The following HADHA variants were observed in gnomAD, a reference collection of about 807,000 sequenced individuals.
The protein encoded by HADHA is hydroxyacyl-CoA dehydrogenase trifunctional multienzyme complex subunit alpha.
A neutral mutation model predicts 91.3 loss-of-function variants in HADHA; 59 were observed. The observed-to-expected ratio is 0.65, with a 90% CI of 0.52 to 0.80. The LOEUF (loss-of-function observed/expected upper bound fraction) is 0.80, where lower values mean the gene tolerates loss of function less well. Ranked by LOEUF, HADHA falls within the 30% of genes least tolerant of loss-of-function variation. The probability of loss-of-function intolerance (pLI) is 0.00; values close to 1 mark genes in which losing one functional copy is unlikely to be tolerated. For missense variants in HADHA, 800 were observed against 927.6 expected, an observed-to-expected ratio of 0.86 and a Z score of 1.79; for synonymous variants, 320 against 338.9, an observed-to-expected ratio of 0.94 and a Z score of 0.61.
intron 7 of HADHA, among the ~76,000 whole-genome samples, chr2:26,225,798 C>T (rs1341101813): frequency 6.6e-6 from 1 of 152,138 alleles, no homozygotes; most frequent in Non-Finnish European, 1.5e-5. Flanking sequence ...GTTGACAATA[C>T]TTGTTCTCAT....
At chr2:26,242,877 G>A (rs1236433197) in intron 1 of HADHA, among the ~76,000 whole-genome samples, 1 of 152,092 alleles carries the variant, frequency 6.6e-6, no homozygotes, top group African/African-American at 2.4e-5. Context: ...TCAGCCTCCC[G>A]AGTAGCTGGG....
At chr2:26,193,490 C>T (rs537946034) in intron 17 of HADHA, 87 bp downstream of exon 17, 89 of 1,125,958 alleles carry the variant, frequency 7.9e-5, no homozygotes, top group Admixed American at 2.9e-4. Flanking sequence ...CTTTCTTCCA[C>T]GAGGGCTTCT....
At chr2:26,226,685 G>A (rs1670492380) in intron 7 of HADHA, among the ~76,000 whole-genome samples, 1 of 152,116 alleles carries the variant, frequency 6.6e-6, no homozygotes, top group African/African-American at 2.4e-5. Flanking sequence ...ATGAATCACA[G>A]ACCAAAATGT....
At chr2:26,200,042 G>A (rs1292449811) in intron 13 of HADHA, among the ~76,000 whole-genome samples, 2 of 152,220 alleles carry the variant, frequency 1.3e-5, no homozygotes, top group Non-Finnish European at 2.9e-5. Context: ...ATACTAGAGA[G>A]GACAACCGAA....
chr2:26,190,840 A>T lies in HADHA; in HGVS notation c.*410T>A. 3.5e-6 allele frequency: 1 copy of T among 284,880 alleles called. No homozygotes were observed. The allele number at this position is 284,880 out of a possible 1,614,324, so 17.6% of individuals were successfully genotyped here. A position where few individuals can be genotyped will look rare whatever the true frequency, so the allele number is the denominator to read the frequency against. On this transcript the variant is annotated 3_prime_UTR_variant, in exon 20 of 20. Coordinates refer to ENST00000380649, the MANE Select transcript of HADHA (RefSeq NM_000182.5). ...GGCTTTCTTCCAGATTGCTTTTTGA[A>T]GGAGGCGTTTAAACCAGAAGGGCAA...
chr2:26,214,627 C>G lies in HADHA; in HGVS notation c.800-66G>C. 2.3e-6 allele frequency: 2 copies of G among 854,762 alleles called. No homozygotes were observed. The highest frequency in any genetic ancestry group is 4.1e-6 in the Non-Finnish European group (2 of 493,464). The allele number at this position is 854,762 out of a possible 1,614,324, so 52.9% of individuals were successfully genotyped here. The stretch of plus-strand genomic sequence containing the variant: ...CTAGATTCCCTTGTTAGTTTATGCT[C>G]TAAACTCTATAAAAATGAAGTAATT... On this transcript the variant is annotated intron_variant, in intron 8 of 19. Transcript: ENST00000380649. The surrounding 1 kb of genome is among the most constrained non-coding windows in gnomAD (Gnocchi z 4.1).
chr2:26,218,062 T>G (rs1262511583), intron 7 of HADHA, among the ~76,000 whole-genome samples: 2 of 152,088 alleles, frequency 1.3e-5, no homozygotes, highest in Non-Finnish European at 2.9e-5. Flanking sequence ...TCCCAGCACT[T>G]TGGGAGTCCG....
intron 12 of HADHA, among the ~76,000 whole-genome samples, chr2:26,203,857 G>A (rs1311607978): frequency 2.0e-5 from 3 of 152,208 alleles, no homozygotes; most frequent in Non-Finnish European, 2.9e-5. Flanking sequence ...ATAACAAAAC[G>A]AAGTCAAAGA....
rs1019275873 is a variant in HADHA at position 26,212,768 on chromosome 2, A to T, written c.919-142T>A. The T allele has an allele frequency of 6.9e-6, 5 of 728,274 alleles. No individual in the cohort carries two copies. In the African/African-American group the frequency reaches 8.8e-5, roughly 13 times the overall value. 45.1% of individuals were successfully genotyped at this position (728,274 alleles called of 1,614,324 possible). Reference sequence around the variant, plus strand: ...TGGAATGAGAAAGAGAAGAGGACTGAGGATCTGGCTGCTCTCGACTGACTT... The same window carrying T: ...TGGAATGAGAAAGAGAAGAGGACTGTGGATCTGGCTGCTCTCGACTGACTT... On this transcript the variant is annotated intron_variant, in intron 9 of 19. Transcript: ENST00000380649.
At chr2:26,244,263 C>T (rs1671014202) in intron 1 of HADHA, among the ~76,000 whole-genome samples, 1 of 152,230 alleles carries the variant, frequency 6.6e-6, no homozygotes, top group Non-Finnish European at 1.5e-5. Context: ...ACGCAAGAGA[C>T]CCGCGGAAAG....
chr2:26,239,959 G>A (rs887734010), intron 1 of HADHA, among the ~76,000 whole-genome samples: 2 of 152,176 alleles, frequency 1.3e-5, no homozygotes, highest in Non-Finnish European at 2.9e-5. Flanking sequence ...TCAATCCCCA[G>A]TGCCTCTACT....
At position 26,244,516 on chromosome 2, in the gene HADHA, C is replaced by G; in HGVS notation, c.67+14G>C. The G allele has an allele frequency of 3.8e-6, 6 of 1,568,426 alleles. No individual in the cohort carries two copies. Among genetic ancestry groups the G allele is most frequent in the Non-Finnish European group, 5.2e-6 (6 of 1,156,032 alleles). ...TCTGCCCGGAGGTCTGGGATGCCCTCGGCCAGGCCTCACCTCGGGAGCGGA... is the reference window on the plus strand; with the variant it reads ...TCTGCCCGGAGGTCTGGGATGCCCTGGGCCAGGCCTCACCTCGGGAGCGGA... On this transcript the variant is annotated intron_variant, in intron 1 of 19. Transcript: ENST00000380649.
At chr2:26,243,212 C>A (rs1369575121) in intron 1 of HADHA, 3 of 152,192 alleles carry the variant, frequency 2.0e-5, no homozygotes. Context: ...CCCTGGCTAC[C>A]ACTTCCGAGT....
At position 26,221,628 on chromosome 2, in the gene HADHA, C is replaced by T. The variant is rs983581718; in HGVS notation, c.677-6453G>A. 2.0e-5 allele frequency among the ~76,000 whole-genome samples: 3 copies of T among 152,218 alleles called. No homozygotes were observed. The highest frequency in any genetic ancestry group is 4.4e-5 in the Non-Finnish European group (3 of 68,038). On this transcript the variant is annotated intron_variant, in intron 7 of 19. Transcript: ENST00000380649. The surrounding 1 kb of genome is among the most constrained non-coding windows in gnomAD (Gnocchi z 4.8). ...GAAGTAGCCAAAATACCCCACGGCC[C>T]TGTTCTTCTTTGTCTCTTCCAGCCT...
Position 26,190,830 on chromosome 2 carries a change from T to C in HADHA, c.*420A>G, listed in dbSNP as rs760106163. 2.1e-5 allele frequency: 6 copies of C among 283,574 alleles called. No homozygotes were observed. The highest frequency in any genetic ancestry group is 3.4e-5 in the Non-Finnish European group (5 of 146,490). The allele number at this position is 283,574 out of a possible 1,614,324, so 17.6% of individuals were successfully genotyped here. A position where few individuals can be genotyped will look rare whatever the true frequency, so the allele number is the denominator to read the frequency against. On this transcript the variant is annotated 3_prime_UTR_variant, in exon 20 of 20. Coordinates refer to ENST00000380649, the MANE Select transcript of HADHA (RefSeq NM_000182.5). ...CAAAGCACAGGGCTTTCTTCCAGAT[T>C]GCTTTTTGAAGGAGGCGTTTAAACC...
intron 11 of HADHA, among the ~76,000 whole-genome samples, chr2:26,205,508 T>C (rs1669949626): frequency 6.6e-6 from 1 of 152,192 alleles, no homozygotes. Flanking sequence ...CTGATACATT[T>C]GCTACATCAA....
chr2:26,235,467 CT>C (rs1670725229), intron 4 of HADHA, among the ~76,000 whole-genome samples: 2 of 152,348 alleles, frequency 1.3e-5, no homozygotes, highest in South Asian at 4.1e-4. Context: ...ATTTTATACA[CT>C]GAGAGTTGCT....
intron 11 of HADHA, among the ~76,000 whole-genome samples, chr2:26,208,357 T>G (rs1394952321): frequency 6.6e-6 from 1 of 152,194 alleles, no homozygotes; most frequent in African/African-American, 2.4e-5. Context: ...TACCACCTTT[T>G]CCAAGGGGTA....
At chr2:26,237,819 T>G (rs911080298) in intron 3 of HADHA, among the ~76,000 whole-genome samples, 3 of 152,240 alleles carry the variant, frequency 2.0e-5, no homozygotes, top group Non-Finnish European at 4.4e-5. Context: ...CATATATTAC[T>G]TTTGTGTTCA....
Sources: allele counts gnomAD v4.1 joint callset (sites outside exome capture counted in the v4.1 genomes callset), GRCh38; gene constraint gnomAD v4.1.1; non-coding constraint Gnocchi (gnomAD v3.1); transcripts MANE v1.5; gene names NCBI Gene and HGNC (gene_info 2026-07-23, HGNC 2026-07-21).